URI1: variants seen among roughly 807,000 people sequenced by gnomAD.
URI1 encodes unconventional prefoldin RPB5 interactor 1.
In URI1, 39 loss-of-function variants were observed where a neutral mutation model predicts 60.2. The observed-to-expected ratio is 0.65, with a 90% CI of 0.50 to 0.85. URI1 has a LOEUF of 0.85. Among genes scored for constraint, URI1 ranks in the 40% least tolerant of loss-of-function variants. URI1 has a pLI of 0.00. For missense variants in URI1, 691 were observed against 665.9 expected (o/e 1.04, Z -0.42); for synonymous variants, 251 against 236.8 (o/e 1.06, Z -0.55).
At chr19:29,959,872 A>G (rs973376316) in intron 1 of URI1, among the ~76,000 whole-genome samples, 2 of 150,084 alleles carry the variant, frequency 1.3e-5, no homozygotes, top group Non-Finnish European at 3.0e-5. Context: ...CCTGTTTAAG[A>G]TTTTCCTTTG....
intron 4 of URI1, among the ~76,000 whole-genome samples, chr19:29,990,074 GT>G (rs1483124777): frequency 6.6e-5 from 10 of 152,060 alleles, no homozygotes. Flanking sequence ...GAGGTGTGGG[GT>G]TTAGGTCACG....
chr19:29,927,417 C>T (rs1437491361), intron 1 of URI1, among the ~76,000 whole-genome samples: 3 of 151,324 alleles, frequency 2.0e-5, no homozygotes, highest in Non-Finnish European at 2.9e-5. Context: ...GCACATGCCA[C>T]CACACCCGGC....
intron 1 of URI1, among the ~76,000 whole-genome samples, chr19:29,962,402 CTTTT>C (rs11331580): frequency 3.2e-5 from 4 of 123,466 alleles, no homozygotes; most frequent in Admixed American, 8.2e-5. Context: ...TTTATAGTAT[CTTTT>C]TTTTTTTTTT....
chr19:29,940,675 CTGTT>C (rs1185947484), upstream of URI1, among the ~76,000 whole-genome samples: 3 of 152,062 alleles, frequency 2.0e-5, no homozygotes, highest in Non-Finnish European at 4.4e-5. Flanking sequence ...CAGGAAGTCT[CTGTT>C]TGGACGACAT....
chr19:29,981,949 C>T (rs765926331), intron 2 of URI1, among the ~76,000 whole-genome samples: 1 of 152,104 alleles, frequency 6.6e-6, no homozygotes, highest in African/African-American at 2.4e-5. Context: ...TAGTTCTTAG[C>T]ATAACTTTTG....
At chr19:29,927,554 AC>A (rs1293057631) in intron 1 of URI1, among the ~76,000 whole-genome samples, 2 of 90,070 alleles carry the variant, frequency 2.2e-5, no homozygotes, top group Non-Finnish European at 3.9e-5. Context: ...GAGCCACTGC[AC>A]CCGGCTTTTT....
intron 8 of URI1, among the ~76,000 whole-genome samples, chr19:30,010,208 A>G (rs564723076): frequency 2.0e-5 from 3 of 152,204 alleles, no homozygotes; most frequent in Non-Finnish European, 4.4e-5. Flanking sequence ...GATTGCCTGT[A>G]TCAGTTAAGG....
chr19:29,942,226 C>T (rs1245958257), upstream of URI1: 1 of 984,536 alleles, frequency 1.0e-6, no homozygotes, highest in Non-Finnish European at 1.2e-6. Context: ...CGGCGTGCCG[C>T]GAGAGGCGGG....
rs377763176 is a variant in URI1 at position 29,986,319 on chromosome 19, T to C, written c.269T>C (p.Leu90Pro). 4.4e-6 allele frequency: 7 copies of C among 1,607,884 alleles called. No individual in the cohort carries two copies. The highest frequency in any genetic ancestry group is 5.9e-6 in the Non-Finnish European group (7 of 1,178,848). ...FGPFAFMPGK[L>P]VHTNEVTVLL... Reference sequence around the variant, plus strand: ...CCTTTTGCCTTCATGCCAGGAAAACTTGTCCATACTAATGAAGTCACTGTT... The same window carrying C: ...CCTTTTGCCTTCATGCCAGGAAAACCTGTCCATACTAATGAAGTCACTGTT... Residue 90 changes from leucine (L) to proline (P), a missense_variant, in exon 4 of 11, where the codon CTT becomes CCT. Coordinates refer to ENST00000392271, the MANE Select transcript of URI1 (RefSeq NM_003796.3).
At chr19:29,925,732 C>G (rs1386176466) in intron 1 of URI1, 1 of 152,136 alleles carries the variant, frequency 6.6e-6, no homozygotes, top group African/African-American at 2.4e-5. Flanking sequence ...GGCTCTGCAG[C>G]TGCCATCTTG....
At chr19:29,970,750 A>C (rs2055448606) in intron 1 of URI1, among the ~76,000 whole-genome samples, 1 of 152,106 alleles carries the variant, frequency 6.6e-6, no homozygotes, top group Non-Finnish European at 1.5e-5. Context: ...AAATGTTTGG[A>C]GATATACTGA....
At chr19:29,998,430 A>G (rs759886387) in intron 4 of URI1, among the ~76,000 whole-genome samples, 29 of 152,130 alleles carry the variant, frequency 1.9e-4, no homozygotes, top group Non-Finnish European at 3.7e-4. Context: ...TGTCTCCTCC[A>G]GCTATTATGG....
At chr19:29,971,689 C>CTTT (rs533979534) in intron 2 of URI1, among the ~76,000 whole-genome samples, 3 of 138,568 alleles carry the variant, frequency 2.2e-5, no homozygotes, top group African/African-American at 8.0e-5. Flanking sequence ...ATTGACTGTA[C>CTTT]TTTTTTTTTT....
chr19:29,963,515 C>T (rs2055352274), intron 1 of URI1, among the ~76,000 whole-genome samples: 1 of 151,874 alleles, frequency 6.6e-6, no homozygotes, highest in South Asian at 2.1e-4. Context: ...CCTCTATTTC[C>T]TTGAACATAT....
In URI1 at chr19:30,009,004, G is replaced by A. The variant is rs2055979462; in HGVS notation, c.687-1G>A. On this transcript the variant is annotated splice_acceptor_variant, in intron 7 of 10. Coordinates refer to ENST00000392271, the MANE Select transcript of URI1 (RefSeq NM_003796.3). LOFTEE classifies it high-confidence loss of function. ...ATCTTGTTAATTTTCTTCCTTGCTAGTAAGCCTGATACTGTGATTGCAAAT... is the reference window on the plus strand; with the variant it reads ...ATCTTGTTAATTTTCTTCCTTGCTAATAAGCCTGATACTGTGATTGCAAAT... The A allele has an allele frequency of 1.9e-6, 3 of 1,589,426 alleles. No homozygotes were observed. The highest frequency in any genetic ancestry group is 2.6e-6 in the Non-Finnish European group (3 of 1,164,914).
intron 4 of URI1, among the ~76,000 whole-genome samples, chr19:29,996,638 T>G (rs1251724774): frequency 6.6e-6 from 1 of 152,114 alleles, no homozygotes; most frequent in Non-Finnish European, 1.5e-5. Context: ...TTCTAGTATG[T>G]TGTTGAATAG....
At chr19:30,001,345 T>C (rs946102275) in intron 4 of URI1, among the ~76,000 whole-genome samples, 8 of 151,930 alleles carry the variant, frequency 5.3e-5, no homozygotes, top group Non-Finnish European at 7.4e-5. Context: ...AATCTTTAAG[T>C]ATCAGCAGAT....
chr19:29,963,685 T>C (rs1204916297), intron 1 of URI1, among the ~76,000 whole-genome samples: 1 of 152,228 alleles, frequency 6.6e-6, no homozygotes, highest in African/African-American at 2.4e-5. Flanking sequence ...ATTGTAGATA[T>C]TCCTGAAGGT....
At chr19:30,007,427 A>T in intron 6 of URI1, 43 bp from the exon 7 acceptor site, 1 of 1,594,552 alleles carries the variant, frequency 6.3e-7, no homozygotes, top group Admixed American at 1.7e-5. Flanking sequence ...TGCCTTTTTT[A>T]TGTTGGCTAT....
Sources: gnomAD v4.1 joint callset for allele counts (sites outside exome capture counted in the v4.1 genomes callset) on GRCh38, gnomAD v4.1.1 for gene constraint, MANE v1.5 for transcripts, NCBI Gene and HGNC (gene_info 2026-07-23, HGNC 2026-07-21) for gene names.